NOTCH1: variants seen among roughly 807,000 people sequenced by gnomAD.
NOTCH1 encodes the protein notch receptor 1.
A neutral mutation model predicts 254.8 loss-of-function variants in NOTCH1; 37 were observed. The observed-to-expected ratio is 0.15, with a 90% CI of 0.11 to 0.19. The LOEUF (loss-of-function observed/expected upper bound fraction) is 0.19. Ranked by LOEUF, NOTCH1 falls within the 10% of genes least tolerant of loss-of-function variation. NOTCH1 has a pLI of 1.00. For missense variants in NOTCH1, 2,972 were observed against 3,708.6 expected (o/e 0.80, Z 5.16); for synonymous variants, 1,731 against 1,618.1 (o/e 1.07, Z -1.68).
chr9:136,545,667 G>A lies in NOTCH1; in HGVS notation c.61+59C>T, dbSNP rs1248085728. The A allele has an allele frequency of 7.3e-7, 1 of 1,364,256 alleles. No individual in the cohort carries two copies. Among genetic ancestry groups the A allele is most frequent in the Non-Finnish European group, 9.7e-7 (1 of 1,033,396 alleles). The allele number at this position is 1,364,256 out of a possible 1,614,324, so 84.5% of individuals were successfully genotyped here. Reference sequence around the variant, plus strand: ...CAGCCGTGGGGCGCGCGCGCCGGGCGCCGCCAAAGTTTCCAAAGGGCGCGG... The same window carrying A: ...CAGCCGTGGGGCGCGCGCGCCGGGCACCGCCAAAGTTTCCAAAGGGCGCGG... On this transcript the variant is annotated intron_variant, in intron 1 of 33. Coordinates refer to ENST00000651671, the MANE Select transcript of NOTCH1 (RefSeq NM_017617.5). This position sits in a 1 kb window ranked among gnomAD's most constrained non-coding sequence, Gnocchi z 6.8.
chr9:136,536,044 C>A (rs964233009), intron 2 of NOTCH1, among the ~76,000 whole-genome samples: 3 of 151,228 alleles, frequency 2.0e-5, no homozygotes, highest in Non-Finnish European at 3.0e-5. Flanking sequence ...GGTAGGGGGG[C>A]GCACTGAGGA....
In NOTCH1 at chr9:136,500,705, C is replaced by T. The variant is rs367587437; in HGVS notation, c.5781G>A (p.Thr1927=). 141 of 1,610,024 alleles carry T rather than the reference C, an allele frequency of 8.8e-5. No homozygotes were observed. In the African/African-American group the frequency reaches 1.5e-3, roughly 18 times the overall value. Residue 1927 remains threonine, a synonymous_variant, in exon 31 of 34, where the codon ACG becomes ACA. Coordinates refer to ENST00000651671, the MANE Select transcript of NOTCH1 (RefSeq NM_017617.5). ...CGGCCAGGTGCAAGGCGGTCTCGCC[C>T]GTGCGGTCTGTCTGGTTGTGCAGGC... ...GASLHNQTDR[T]GETALHLAAR...
chr9:136,511,497 C>T (rs541891713), intron 15 of NOTCH1, among the ~76,000 whole-genome samples: 23 of 152,190 alleles, frequency 1.5e-4, no homozygotes, highest in Non-Finnish European at 2.4e-4. Flanking sequence ...ACAAATGTCA[C>T]GCTCAGAAGC....
intron 2 of NOTCH1, among the ~76,000 whole-genome samples, chr9:136,539,088 G>C (rs1843695741): frequency 6.6e-6 from 1 of 152,224 alleles, no homozygotes; most frequent in South Asian, 2.1e-4. Flanking sequence ...CGCATCTGGG[G>C]GTCCCCGCAC....
intron 4 of NOTCH1, among the ~76,000 whole-genome samples, chr9:136,522,141 C>A (rs1343619520): frequency 6.6e-6 from 1 of 152,062 alleles, no homozygotes. Flanking sequence ...CCATGCCTGG[C>A]TAATTTTTTG....
chr9:136,544,863 T>C (rs1233982197), intron 1 of NOTCH1, among the ~76,000 whole-genome samples: 1 of 151,892 alleles, frequency 6.6e-6, no homozygotes, highest in African/African-American at 2.4e-5. Context: ...AAGGGATCAA[T>C]TACTCAAGCC....
At chr9:136,522,441 C>A (rs1843386739) in intron 4 of NOTCH1, among the ~76,000 whole-genome samples, 1 of 152,232 alleles carries the variant, frequency 6.6e-6, no homozygotes, top group Non-Finnish European at 1.5e-5. Flanking sequence ...CCGCAGGAGA[C>A]CAGCAGGATG....
intron 15 of NOTCH1, among the ~76,000 whole-genome samples, chr9:136,512,610 A>G (rs1205111152): frequency 6.6e-6 from 1 of 152,164 alleles, no homozygotes; most frequent in Non-Finnish European, 1.5e-5. Context: ...CCCGGCCCCC[A>G]GAGACCCCAG....
intron 6 of NOTCH1, 107 bp from the exon 7 acceptor site, chr9:136,518,399 G>A (rs778597704): frequency 2.4e-5 from 35 of 1,452,542 alleles, no homozygotes; most frequent in Middle Eastern, 2.4e-4. Flanking sequence ...GCTGCCCGCC[G>A]TGACCCCGTC....
intron 6 of NOTCH1, 65 bp downstream of exon 6, chr9:136,518,526 G>C: frequency 1.4e-6 from 2 of 1,445,692 alleles, no homozygotes; most frequent in African/African-American, 2.8e-5. Context: ...CCCTGGGTGA[G>C]GTCACACAGC....
chr9:136,524,886 T>G (rs1843435744), intron 2 of NOTCH1, among the ~76,000 whole-genome samples: 1 of 152,132 alleles, frequency 6.6e-6, no homozygotes, highest in African/African-American at 2.4e-5. Flanking sequence ...TCTGCCCGCC[T>G]CGGCCTCCCA....
At chr9:136,530,225 G>C (rs575103819) in intron 2 of NOTCH1, among the ~76,000 whole-genome samples, 1 of 152,242 alleles carries the variant, frequency 6.6e-6, no homozygotes. Flanking sequence ...AGCTGTTGCC[G>C]GCACCCCCAG....
At chr9:136,517,968 C>T (rs1843304148) in intron 7 of NOTCH1, 31 bp from the exon 8 acceptor site, 4 of 1,603,584 alleles carry the variant, frequency 2.5e-6, no homozygotes, top group Non-Finnish European at 2.5e-6. Context: ...AGAGGCTGCT[C>T]CAGGCACCCT....
At position 136,497,400 on chromosome 9, in the gene NOTCH1, C is replaced by T. The variant is rs1842934606; in HGVS notation, c.6339G>A (p.Leu2113=). 1 of 1,610,708 alleles carries T rather than the reference C, an allele frequency of 6.2e-7. No individual in the cohort carries two copies. The highest frequency in any genetic ancestry group is 8.5e-7 in the Non-Finnish European group (1 of 1,179,888). ...GGCTGCGCACCAGGTTGTACTCGTC[C>T]AGCAGCCTCACGATGTCGTGATGCA... ...ERMHHDIVRL[L]DEYNLVRSPQ... is the part of the protein sequence containing the mutation. Residue 2113 remains leucine, a synonymous_variant, in exon 34 of 34, where the codon CTG becomes CTA. Transcript: ENST00000651671.
chr9:136,543,598 C>G, intron 2 of NOTCH1: 3 of 360,938 alleles, frequency 8.3e-6, no homozygotes, highest in South Asian at 6.5e-5. Flanking sequence ...GCATCACCCC[C>G]GAGAGGAGGC....
Position 136,538,413 on chromosome 9 carries a change from T to C in NOTCH1, c.140+5611A>G, listed in dbSNP as rs200345288. ...AGTTGGAAGGGGAATCACATACAGA[T>C]GGGGAAACTGAGGCCCAGGGAGGGG... is the stretch of plus-strand genomic sequence containing the variant. On this transcript the variant is annotated intron_variant, in intron 2 of 33. Coordinates refer to ENST00000651671, the MANE Select transcript of NOTCH1 (RefSeq NM_017617.5). Among the ~76,000 whole-genome samples the C allele has an allele frequency of 5.5e-3, 828 of 151,868 alleles. 3 individuals carry two copies. The highest frequency in any genetic ancestry group is 8.2e-3 in the Non-Finnish European group (559 of 67,956).
At chr9:136,501,001 T>C (rs1451703098) in intron 30 of NOTCH1, among the ~76,000 whole-genome samples, 154 bp from the exon 31 acceptor site, 1 of 152,198 alleles carries the variant, frequency 6.6e-6, no homozygotes, top group Non-Finnish European at 1.5e-5. Flanking sequence ...AAGGGGCAGC[T>C]GAAGTCCGCC....
In NOTCH1 at chr9:136,518,409, C is replaced by T. The variant is rs1589068697; in HGVS notation, c.1100-117G>A. On this transcript the variant is annotated intron_variant, in intron 6 of 33. Transcript: ENST00000651671. ...GAGGAGCTGCCCGCCGTGACCCCGT[C>T]GGGCATCCCGTGACACTTGGGACGT... The T allele has an allele frequency of 1.7e-5, 23 of 1,391,906 alleles. 1 individual carries two copies. The South Asian group carries it at 2.1e-4, about 13-fold the overall frequency. The allele number at this position is 1,391,906 out of a possible 1,614,324, so 86.2% of individuals were successfully genotyped here.
Position 136,516,035 on chromosome 9 carries a change from T to G in NOTCH1, c.1615A>C (p.Asn539His). Residue 539 changes from asparagine (N) to histidine (H), a missense_variant, in exon 10 of 34, where the codon AAT becomes CAT. Physicochemically the swap from Asn to His is moderately conservative, Grantham distance 68. Coordinates refer to ENST00000651671, the MANE Select transcript of NOTCH1 (RefSeq NM_017617.5). ...VDECASTPCKNGAKCLDGPNT... is the reference protein window; with the variant it reads ...VDECASTPCKHGAKCLDGPNT... Reference sequence around the variant, plus strand: ...GGTCCGTCCAGGCACTTGGCACCATTCTTGCAGGGGGTGCTGGCACACTCG... The same window carrying G: ...GGTCCGTCCAGGCACTTGGCACCATGCTTGCAGGGGGTGCTGGCACACTCG... The G allele has an allele frequency of 6.2e-7, 1 of 1,612,254 alleles. No homozygotes were observed. Among genetic ancestry groups the G allele is most frequent in the Non-Finnish European group, 8.5e-7 (1 of 1,179,888 alleles).
Sources: gnomAD v4.1 joint callset for allele counts (sites outside exome capture counted in the v4.1 genomes callset) on GRCh38, gnomAD v4.1.1 for gene constraint, Gnocchi (gnomAD v3.1) non-coding constraint, MANE v1.5 for transcripts, NCBI Gene and HGNC (gene_info 2026-07-23, HGNC 2026-07-21) for gene names.